Variants in PC observed in about 807,000 individuals in gnomAD.
PC encodes the protein pyruvate carboxylase.
Under a neutral mutation model 107.8 loss-of-function variants are expected in PC, and 46 were observed. That is an observed-to-expected ratio of 0.43 (90% CI 0.34 to 0.55). The LOEUF is 0.55. PC is among the 20% of genes least tolerant of loss of function. The pLI, the probability that PC is intolerant of heterozygous loss-of-function variation, is 0.04. For synonymous variants in PC, 662 were observed against 684.7 expected, an observed-to-expected ratio of 0.97 and a Z score of 0.52; for missense variants, 1,241 against 1,643.1, an observed-to-expected ratio of 0.76 and a Z score of 4.23.
chr11:66,893,940 C>G (rs1947660913), intron 3 of PC, among the ~76,000 whole-genome samples: 1 of 152,004 alleles, frequency 6.6e-6, no homozygotes, highest in Non-Finnish European at 1.5e-5. Context: ...ACCATCTGGT[C>G]AAGAAGTCTG....
At chr11:66,954,052 C>A (rs1424486478) in intron 2 of PC, among the ~76,000 whole-genome samples, 197 bp downstream of exon 2, 1 of 152,136 alleles carries the variant, frequency 6.6e-6, no homozygotes, top group Non-Finnish European at 1.5e-5. Context: ...AGAGCCCAGT[C>A]CAACTGAATA....
At chr11:66,859,234 A>T (rs2135872627) in intron 12 of PC, 1 of 1,186,692 alleles carries the variant, frequency 8.4e-7, no homozygotes, top group African/African-American at 1.6e-5. Context: ...CTCTTGGAGG[A>T]GCAGTGGCCT....
chr11:66,880,001 C>A (rs1386678000), intron 3 of PC, among the ~76,000 whole-genome samples: 1 of 152,190 alleles, frequency 6.6e-6, no homozygotes, highest in Non-Finnish European at 1.5e-5. Flanking sequence ...TCACACAAGA[C>A]CCCCACCACC....
intron 12 of PC, among the ~76,000 whole-genome samples, chr11:66,855,827 T>C (rs1255513426): frequency 6.6e-6 from 1 of 152,216 alleles, no homozygotes; most frequent in African/African-American, 2.4e-5. Flanking sequence ...CCAACTCTCC[T>C]GGCCTACAGG....
intron 12 of PC, chr11:66,860,753 C>A (rs545325258): frequency 6.2e-5 from 43 of 698,702 alleles, no homozygotes; most frequent in Non-Finnish European, 1.0e-4. Flanking sequence ...GGCGACAGGA[C>A]GCCGTATCCA....
At chr11:66,893,369 C>T (rs955032896) in intron 3 of PC, among the ~76,000 whole-genome samples, 3 of 152,178 alleles carry the variant, frequency 2.0e-5, no homozygotes, top group Admixed American at 6.5e-5. Context: ...AGGGGAGCAG[C>T]GTAGACAGAG....
intron 16 of PC, 106 bp from the exon 17 acceptor site, chr11:66,851,386 T>G: frequency 2.0e-6 from 3 of 1,511,356 alleles, no homozygotes; most frequent in East Asian, 4.7e-5. Context: ...GAATGAGATC[T>G]GAGGGTCTCG....
chr11:66,877,835 T>C (rs2135969562), intron 3 of PC, among the ~76,000 whole-genome samples: 1 of 152,266 alleles, frequency 6.6e-6, no homozygotes, highest in South Asian at 2.1e-4. Flanking sequence ...CATGATCTCA[T>C]GAAGTTTTTT....
At chr11:66,872,189 C>A (rs201128307) in intron 3 of PC, 30 bp from the exon 4 acceptor site, 5 of 1,565,752 alleles carry the variant, frequency 3.2e-6, no homozygotes, top group Admixed American at 1.9e-5. Flanking sequence ...CCCAGGTTAG[C>A]GCAGCCTCAG....
At chr11:66,912,733 A>G (rs780937451) in intron 3 of PC, among the ~76,000 whole-genome samples, 2 of 152,154 alleles carry the variant, frequency 1.3e-5, no homozygotes, top group South Asian at 2.1e-4. Flanking sequence ...GGGAATGGGG[A>G]TGGTTGGGGA....
chr11:66,867,486 T>C (rs1358374230), intron 10 of PC, among the ~76,000 whole-genome samples: 1 of 152,222 alleles, frequency 6.6e-6, no homozygotes, highest in Non-Finnish European at 1.5e-5. Context: ...TCTTGCTGCC[T>C]GCTGGCCCAC....
At chr11:66,874,058 CG>C (rs2135955751) in intron 3 of PC, among the ~76,000 whole-genome samples, 1 of 152,040 alleles carries the variant, frequency 6.6e-6, no homozygotes, top group Non-Finnish European at 1.5e-5. Flanking sequence ...CTCCTGGGTT[CG>C]AGTGATTCTC....
intron 12 of PC, 86 bp downstream of exon 12, chr11:66,863,688 G>C: frequency 3.5e-6 from 5 of 1,416,412 alleles, no homozygotes; most frequent in Non-Finnish European, 4.8e-6. Context: ...GTGAAGCCAT[G>C]TGCAAGGCCC....
intron 3 of PC, among the ~76,000 whole-genome samples, chr11:66,949,271 C>T (rs945648695): frequency 6.6e-6 from 1 of 151,490 alleles, no homozygotes; most frequent in African/African-American, 2.4e-5. Flanking sequence ...GGATTACAGG[C>T]GTGAGCCACC....
At position 66,863,846 on chromosome 11, in the gene PC, G is replaced by T; in HGVS notation, c.1296C>A (p.His432Gln). Residue 432 changes from histidine to glutamine, a missense_variant, in exon 12 of 23, where the codon CAC becomes CAA. Transcript: ENST00000393960. ...TGGCGGCCGTGGGGTGGTCTTTGCC[G>T]TGGGCAATGACTTTGACCAGCAGGG... The part of the protein sequence containing the change: ...YDSLLVKVIA[H>Q]GKDHPTAATK... 1 of 1,614,012 alleles carries T rather than the reference G, an allele frequency of 6.2e-7. No homozygotes were observed. Among genetic ancestry groups the T allele is most frequent in the Non-Finnish European group, 8.5e-7 (1 of 1,180,020 alleles).
At chr11:66,890,728 C>T (rs1307398533) in intron 3 of PC, among the ~76,000 whole-genome samples, 1 of 151,836 alleles carries the variant, frequency 6.6e-6, no homozygotes, top group Admixed American at 6.6e-5. Flanking sequence ...TCGAACTCCA[C>T]TCCCAACCTC....
Position 66,870,528 on chromosome 11 carries a change from T to G in PC, c.752-75A>C. Reference sequence around the variant, plus strand: ...TCCTAAATGCCCCATCACCCCCACATAACCACTGTCGCCAGTCAGTGCCGG... The same window carrying G: ...TCCTAAATGCCCCATCACCCCCACAGAACCACTGTCGCCAGTCAGTGCCGG... On this transcript the variant is annotated intron_variant, in intron 8 of 22. Transcript: ENST00000393960. The surrounding 1 kb of genome is among the most constrained non-coding windows in gnomAD (Gnocchi z 6.1). 6.5e-7 allele frequency: 1 copy of G among 1,533,596 alleles called. No individual in the cohort carries two copies. The highest frequency in any genetic ancestry group is 8.9e-7 in the Non-Finnish European group (1 of 1,121,210). The allele number at this position is 1,533,596 out of a possible 1,614,324, so 95.0% of individuals were successfully genotyped here. A position where few individuals can be genotyped will look rare whatever the true frequency, so the allele number is the denominator to read the frequency against.
intron 12 of PC, chr11:66,859,596 G>T: frequency 6.2e-7 from 1 of 1,610,724 alleles, no homozygotes. Flanking sequence ...GATGGGGCTA[G>T]ACCCCAGCCC....
At chr11:66,927,723 C>CA (rs568408958) in intron 3 of PC, among the ~76,000 whole-genome samples, 4,813 of 95,890 alleles carry the variant, frequency 0.05, 284 homozygotes, top group African/African-American at 0.16. Context: ...AAGTCCGTCT[C>CA]AAAAAAAAAA....
Sources: allele counts gnomAD v4.1 joint callset (sites outside exome capture counted in the v4.1 genomes callset), GRCh38; gene constraint gnomAD v4.1.1; non-coding constraint Gnocchi (gnomAD v3.1); transcripts MANE v1.5; gene names NCBI Gene and HGNC (gene_info 2026-07-23, HGNC 2026-07-21).